Variants in CNTNAP2 observed in about 807,000 individuals in gnomAD.
CNTNAP2 encodes the protein contactin associated protein 2.
In CNTNAP2, 98 loss-of-function variants were observed where a neutral mutation model predicts 155.2. The ratio of observed to expected loss-of-function variants is 0.63; its 90% CI spans 0.54 to 0.75. CNTNAP2 has a LOEUF of 0.75. Ranked by LOEUF, CNTNAP2 falls within the 30% of genes least tolerant of loss-of-function variation. The probability of loss-of-function intolerance (pLI) is 0.00; values close to 1 mark genes in which losing one functional copy is unlikely to be tolerated. For synonymous variants in CNTNAP2, 651 were observed against 631.2 expected (o/e 1.03, Z -0.47); for missense variants, 1,727 against 1,688.1 (o/e 1.02, Z -0.40).
intron 19 of CNTNAP2, among the ~76,000 whole-genome samples, chr7:148,220,090 A>G (rs2116761660): frequency 6.6e-6 from 1 of 152,326 alleles, no homozygotes; most frequent in African/African-American, 2.4e-5. Context: ...CATCATGAAG[A>G]TGTTCATCAT....
At chr7:146,204,299 G>A (rs1383968763) in intron 1 of CNTNAP2, among the ~76,000 whole-genome samples, 3 of 152,086 alleles carry the variant, frequency 2.0e-5, no homozygotes, top group African/African-American at 7.2e-5. Context: ...TGATCAAAAT[G>A]TTCTGTGCTT....
intron 13 of CNTNAP2, among the ~76,000 whole-genome samples, chr7:147,892,393 A>G (rs1321975273): frequency 6.6e-6 from 1 of 152,196 alleles, no homozygotes; most frequent in Non-Finnish European, 1.5e-5. Flanking sequence ...AACAAATAGC[A>G]TATGTTTCCA....
At chr7:146,138,158 T>A (rs986450105) in intron 1 of CNTNAP2, among the ~76,000 whole-genome samples, 6 of 152,154 alleles carry the variant, frequency 3.9e-5, no homozygotes, top group African/African-American at 1.4e-4. Flanking sequence ...AAATTGATGA[T>A]AAATGTCACA....
chr7:147,100,211 CGT>C (rs1448490670), intron 4 of CNTNAP2, among the ~76,000 whole-genome samples: 1 of 151,962 alleles, frequency 6.6e-6, no homozygotes, highest in African/African-American at 2.4e-5. Context: ...TGTCTCTTCA[CGT>C]TGAATAATGT....
chr7:147,612,173 G>A (rs117697614), intron 12 of CNTNAP2, among the ~76,000 whole-genome samples: 2 of 152,194 alleles, frequency 1.3e-5, no homozygotes, highest in East Asian at 1.9e-4. Context: ...TAAATAACTA[G>A]ACATTGTAAC....
At chr7:146,151,318 G>C (rs1393180359) in intron 1 of CNTNAP2, among the ~76,000 whole-genome samples, 1 of 151,902 alleles carries the variant, frequency 6.6e-6, no homozygotes, top group Non-Finnish European at 1.5e-5. Flanking sequence ...TTGTGAGTAT[G>C]TGAATATAGT....
At chr7:148,020,210 AC>A (rs1328822269) in intron 15 of CNTNAP2, among the ~76,000 whole-genome samples, 1 of 152,202 alleles carries the variant, frequency 6.6e-6, no homozygotes, top group Non-Finnish European at 1.5e-5. Flanking sequence ...TGGATTACAC[AC>A]CTTTTGGAGG....
rs543194598 is a variant in CNTNAP2, at chr7:146,946,198, C to T, written c.403-97709C>T. 1.5e-3 allele frequency among the ~76,000 whole-genome samples: 229 copies of T among 150,902 alleles called. 1 individual carries two copies. The highest frequency in any genetic ancestry group is 5.3e-3 in the African/African-American group (219 of 41,088). ...TCTCTCTCTCTCTGCTTCAAATACA[C>T]TTTTTATTCCCCTGTAGAATCAGAA... On this transcript the variant is annotated intron_variant, in intron 3 of 23. Coordinates refer to ENST00000361727, the MANE Select transcript of CNTNAP2 (RefSeq NM_014141.6).
At chr7:146,677,538 A>T (rs777747576) in intron 1 of CNTNAP2, among the ~76,000 whole-genome samples, 1 of 152,036 alleles carries the variant, frequency 6.6e-6, no homozygotes, top group Non-Finnish European at 1.5e-5. Context: ...GGGCCTTAGA[A>T]TTTTATTTTT....
intron 13 of CNTNAP2, among the ~76,000 whole-genome samples, chr7:147,845,316 AGTCTTGGGAGAGTGTATGT>A (rs1473198116): frequency 8.9e-5 from 5 of 55,996 alleles, no homozygotes; most frequent in African/African-American, 1.4e-4. Flanking sequence ...TTCCTGGTTT[AGTCTTGGGAGAGTGTATGT>A]GTCGAGGAAT....
chr7:146,176,991 G>A (rs1452159191), intron 1 of CNTNAP2, among the ~76,000 whole-genome samples: 1 of 152,136 alleles, frequency 6.6e-6, no homozygotes, highest in African/African-American at 2.4e-5. Flanking sequence ...AATAGAGACA[G>A]GTTTAGTCCA....
intron 2 of CNTNAP2, among the ~76,000 whole-genome samples, chr7:146,805,156 A>G (rs2129192422): frequency 6.6e-6 from 1 of 152,278 alleles, no homozygotes; most frequent in Middle Eastern, 3.4e-3. Context: ...AGGAGAGGAC[A>G]AGGAAGATAT....
chr7:146,504,677 A>T (rs897808648), intron 1 of CNTNAP2, among the ~76,000 whole-genome samples: 1 of 152,198 alleles, frequency 6.6e-6, no homozygotes, highest in Non-Finnish European at 1.5e-5. Context: ...GGGGCTCATC[A>T]CACTTGCAAA....
chr7:148,013,835 C>A (rs527906591), intron 15 of CNTNAP2, among the ~76,000 whole-genome samples: 1 of 151,822 alleles, frequency 6.6e-6, no homozygotes, highest in East Asian at 1.9e-4. Flanking sequence ...AGTAATATGG[C>A]CCTCTGTGGA....
chr7:148,363,665 A>G (rs932673802), intron 21 of CNTNAP2, among the ~76,000 whole-genome samples: 1 of 152,176 alleles, frequency 6.6e-6, no homozygotes, highest in Non-Finnish European at 1.5e-5. Flanking sequence ...GGCAGTCCTC[A>G]GAGCCCTCGC....
At chr7:148,213,877 C>G (rs970217910) in intron 18 of CNTNAP2, among the ~76,000 whole-genome samples, 1 of 152,182 alleles carries the variant, frequency 6.6e-6, no homozygotes. Flanking sequence ...CCCCAACACC[C>G]AGCTGAAATG....
chr7:146,729,300 CA>C (rs1000484755), intron 1 of CNTNAP2, among the ~76,000 whole-genome samples: 2 of 152,080 alleles, frequency 1.3e-5, no homozygotes, highest in African/African-American at 4.8e-5. Context: ...GGCATGATCA[CA>C]GTGAGTTTTA....
intron 13 of CNTNAP2, among the ~76,000 whole-genome samples, chr7:147,736,526 C>A (rs984779731): frequency 6.6e-6 from 1 of 152,104 alleles, no homozygotes; most frequent in African/African-American, 2.4e-5. Context: ...TGAGGAGTAT[C>A]TTTGTGATGT....
In CNTNAP2 at chr7:146,535,003, A is replaced by G. The variant is rs577335434; in HGVS notation, c.98-239268A>G. ...TTAATGTACACACACGCTCATACAC[A>G]ATTAGGCGTGCCATGTCCATCTTTT... is the stretch of plus-strand genomic sequence containing the variant. On this transcript the variant is annotated intron_variant, in intron 1 of 23. Transcript: ENST00000361727. Among the ~76,000 whole-genome samples, 161 of 136,248 alleles carry G rather than the reference A, an allele frequency of 1.2e-3. 1 individual carries two copies. The highest frequency in any genetic ancestry group is 0.011 in the South Asian group (49 of 4,342). The allele number at this position is 136,248 out of a possible 152,430, so 89.4% of individuals were successfully genotyped here.
Sources: gnomAD v4.1 joint callset for allele counts (sites outside exome capture counted in the v4.1 genomes callset) on GRCh38, gnomAD v4.1.1 for gene constraint, MANE v1.5 for transcripts, NCBI Gene and HGNC (gene_info 2026-07-23, HGNC 2026-07-21) for gene names.